The following ADGRL3 variants were observed in gnomAD, a reference collection of about 807,000 sequenced individuals.
The protein encoded by ADGRL3 is adhesion G protein-coupled receptor L3, also known as calcium-independent alpha-latrotoxin receptor 3.
ADGRL3 carries 62 observed loss-of-function variants against 153.5 expected under a neutral mutation model. That is an observed-to-expected ratio of 0.40 (90% CI 0.33 to 0.50). The LOEUF (loss-of-function observed/expected upper bound fraction) is 0.50, where lower values mean the gene tolerates loss of function less well. Ranked by LOEUF, ADGRL3 falls within the 20% of genes least tolerant of loss-of-function variation. ADGRL3 has a pLI of 0.47. For missense variants in ADGRL3, 1,641 were observed against 1,859.4 expected, an observed-to-expected ratio of 0.88 and a Z score of 2.16; for synonymous variants, 710 against 672.5, an observed-to-expected ratio of 1.06 and a Z score of -0.86.
At chr4:61,759,357 G>A (rs1167990564) in intron 8 of ADGRL3, among the ~76,000 whole-genome samples, 2 of 152,086 alleles carry the variant, frequency 1.3e-5, no homozygotes, top group African/African-American at 2.4e-5. Flanking sequence ...ATTTCTTGGA[G>A]GCTTTGTTCA....
At chr4:61,997,365 A>G (rs28397692) in intron 20 of ADGRL3, among the ~76,000 whole-genome samples, 3,325 of 151,852 alleles carry the variant, frequency 0.022, 118 homozygotes, top group African/African-American at 0.077. Context: ...CTTTTTGGCC[A>G]CTGAATGGAT....
At chr4:61,840,442 G>A (rs1471493593) in intron 9 of ADGRL3, among the ~76,000 whole-genome samples, 1 of 152,202 alleles carries the variant, frequency 6.6e-6, no homozygotes, top group Non-Finnish European at 1.5e-5. Flanking sequence ...GACATATAAC[G>A]AAAGGTAACT....
chr4:61,241,029 G>A (rs1274567352), intron 1 of ADGRL3, among the ~76,000 whole-genome samples: 3 of 151,740 alleles, frequency 2.0e-5, no homozygotes, highest in Admixed American at 6.6e-5. Flanking sequence ...TAAAAATTAT[G>A]TTGTTATATT....
intron 2 of ADGRL3, among the ~76,000 whole-genome samples, chr4:61,481,158 A>G (rs1395098499): frequency 6.6e-6 from 1 of 152,220 alleles, no homozygotes; most frequent in East Asian, 1.9e-4. Context: ...ATTAAGCTCA[A>G]TGATAGGATT....
chr4:61,310,132 T>A (rs2094941945), intron 1 of ADGRL3, among the ~76,000 whole-genome samples: 1 of 151,462 alleles, frequency 6.6e-6, no homozygotes, highest in African/African-American at 2.4e-5. Context: ...TTCCAGATAG[T>A]CTCTCTTGAT....
intron 2 of ADGRL3, among the ~76,000 whole-genome samples, chr4:61,447,857 G>A (rs1023634986): frequency 1.3e-5 from 2 of 152,046 alleles, no homozygotes; most frequent in Non-Finnish European, 1.5e-5. Flanking sequence ...TAACAATTTA[G>A]GTAAACTGAA....
rs1560889962 is a variant in ADGRL3 at position 61,587,382 on chromosome 4, G to T, written c.415G>T (p.Ala139Ser). 1 of 1,612,396 alleles carries T rather than the reference G, an allele frequency of 6.2e-7. No individual in the cohort carries two copies. The highest frequency in any genetic ancestry group is 8.5e-7 in the Non-Finnish European group (1 of 1,179,102). ...TDDKICDSDPAQMENIRCYLP... is the reference protein window; with the variant it reads ...TDDKICDSDPSQMENIRCYLP... ...TGACAAAATTTGTGACTCTGACCCT[G>T]CTCAGATGGAGAATATCCGATGTTA... Residue 139 changes from alanine to serine, a missense_variant, in exon 5 of 27, where the codon GCT becomes TCT. Around this residue, in one of 5 missense-constraint regions of ADGRL3, gnomAD observed 213 missense variants for 362.1 expected, o/e 0.59. Coordinates refer to ENST00000683033, the MANE Select transcript of ADGRL3 (RefSeq NM_001387552.1).
intron 2 of ADGRL3, among the ~76,000 whole-genome samples, chr4:61,474,723 C>T (rs2098021856): frequency 6.6e-6 from 1 of 152,018 alleles, no homozygotes; most frequent in Admixed American, 6.6e-5. Flanking sequence ...GCATTCTTTA[C>T]AAGAAGAAAA....
At chr4:61,452,092 G>T (rs1324760329) in intron 2 of ADGRL3, among the ~76,000 whole-genome samples, 2 of 141,004 alleles carry the variant, frequency 1.4e-5, no homozygotes, top group East Asian at 4.3e-4. Context: ...GTGGCTGCTT[G>T]GGCTCACAGC....
intron 4 of ADGRL3, among the ~76,000 whole-genome samples, chr4:61,528,242 C>G (rs974937391): frequency 1.3e-5 from 2 of 152,044 alleles, no homozygotes; most frequent in African/African-American, 4.8e-5. Context: ...TTGCAGCAAG[C>G]CATCAGTGTT....
At chr4:61,540,312 G>A (rs2098682165) in intron 4 of ADGRL3, among the ~76,000 whole-genome samples, 2 of 152,140 alleles carry the variant, frequency 1.3e-5, no homozygotes, top group African/African-American at 2.4e-5. Flanking sequence ...ACTTTGGGAG[G>A]CCAAGGCAGG....
At chr4:61,436,922 A>C (rs2097454981) in intron 2 of ADGRL3, among the ~76,000 whole-genome samples, 1 of 152,134 alleles carries the variant, frequency 6.6e-6, no homozygotes, top group Non-Finnish European at 1.5e-5. Flanking sequence ...GGAGATAAAC[A>C]TTTGGGATTG....
intron 1 of ADGRL3, among the ~76,000 whole-genome samples, chr4:61,346,308 TACACACACAC>T (rs10693257): frequency 6.9e-6 from 1 of 144,546 alleles, no homozygotes; most frequent in Non-Finnish European, 1.5e-5. Context: ...TGTCACAGTC[TACACACACAC>T]ACACACACAC....
intron 1 of ADGRL3, among the ~76,000 whole-genome samples, chr4:61,328,527 G>A (rs1353749898): frequency 2.6e-5 from 4 of 152,052 alleles, no homozygotes; most frequent in African/African-American, 7.2e-5. Flanking sequence ...GCATATAAAA[G>A]AATCTGACAA....
chr4:61,934,062 A>C (rs113965103), intron 13 of ADGRL3: 1 of 152,330 alleles, frequency 6.6e-6, no homozygotes, highest in African/African-American at 2.4e-5. Flanking sequence ...AGCAAACCAC[A>C]GGAAATATAT....
intron 24 of ADGRL3, among the ~76,000 whole-genome samples, chr4:62,042,163 C>T (rs72640033): frequency 0.22 from 32,815 of 151,802 alleles, 3,745 homozygotes; most frequent in Middle Eastern, 0.27. Flanking sequence ...AGTATATGTA[C>T]CTCAATGAAC....
chr4:61,872,153 G>C (rs1243221579), intron 9 of ADGRL3, among the ~76,000 whole-genome samples: 1 of 152,154 alleles, frequency 6.6e-6, no homozygotes, highest in African/African-American at 2.4e-5. Flanking sequence ...CAAGCAGCCT[G>C]GTTTGTATGG....
At chr4:61,632,340 CTT>C (rs1301503858) in intron 5 of ADGRL3, among the ~76,000 whole-genome samples, 1 of 152,136 alleles carries the variant, frequency 6.6e-6, no homozygotes, top group Non-Finnish European at 1.5e-5. Context: ...CTTACTGAGT[CTT>C]TAAATCTCTG....
chr4:61,200,527 G>C lies in ADGRL3; in HGVS notation c.-1478G>C, dbSNP rs1734321372. Among the ~76,000 whole-genome samples, 1 of 151,148 alleles carries C rather than the reference G, an allele frequency of 6.6e-6. No homozygotes were observed. The highest frequency in any genetic ancestry group is 1.5e-5 in the Non-Finnish European group (1 of 67,766). On this transcript the variant is annotated 5_prime_UTR_variant, in exon 1 of 27. Coordinates refer to ENST00000683033, the MANE Select transcript of ADGRL3 (RefSeq NM_001387552.1). Reference sequence around the variant, plus strand: ...CGCCGCCGCCGCCGCCGCCGCCGCTGCTGCTGGTTTTTCTCGGACTGCTCG... The same window carrying C: ...CGCCGCCGCCGCCGCCGCCGCCGCTCCTGCTGGTTTTTCTCGGACTGCTCG...
Sources: allele counts gnomAD v4.1 joint callset (sites outside exome capture counted in the v4.1 genomes callset), GRCh38; gene constraint gnomAD v4.1.1; regional missense constraint gnomAD v4.1.1; transcripts MANE v1.5; gene names NCBI Gene and HGNC (gene_info 2026-07-23, HGNC 2026-07-21).